The following FOXO3 variants were observed in gnomAD, a reference collection of about 807,000 sequenced individuals.
FOXO3 encodes the protein forkhead box O3.
In FOXO3, 4 loss-of-function variants were observed where a neutral mutation model predicts 41.9. The ratio of observed to expected loss-of-function variants is 0.10; its 90% CI spans 0.05 to 0.22. The LOEUF (loss-of-function observed/expected upper bound fraction) is 0.22, where lower values mean the gene tolerates loss of function less well. FOXO3 is among the 10% of genes least tolerant of loss of function. The pLI, the probability that FOXO3 is intolerant of heterozygous loss-of-function variation, is 1.00. For missense variants in FOXO3, 534 were observed against 906.8 expected (o/e 0.59, Z 5.28); for synonymous variants, 318 against 389.3 (o/e 0.82, Z 2.16).
intron 1 of FOXO3, among the ~76,000 whole-genome samples, chr6:108,581,646 A>G (rs771530839): frequency 1.3e-5 from 2 of 152,088 alleles, no homozygotes; most frequent in Non-Finnish European, 2.9e-5. Flanking sequence ...AAGCAAAGTT[A>G]TTTTGTGGTT....
Position 108,654,737 on chromosome 6 carries a change from CT to C in FOXO3, c.622-8703del, listed in dbSNP as rs61275551. ...AACAATGTTTACTTTAGAGCATCGT[CT>C]TTTTTTTTTTTTTTAAGTCCCTTAA... On this transcript the variant is annotated intron_variant, in intron 1 of 2. Coordinates refer to ENST00000406360, the MANE Select transcript of FOXO3 (RefSeq NM_001455.4). 8.4e-3 allele frequency among the ~76,000 whole-genome samples: 1,147 copies of C among 136,664 alleles called. 3 individuals are homozygous for C. The highest frequency in any genetic ancestry group is 0.027 in the South Asian group (111 of 4,182). The allele number at this position is 136,664 out of a possible 152,430, so 89.7% of individuals were successfully genotyped here.
intron 1 of FOXO3, among the ~76,000 whole-genome samples, chr6:108,622,911 G>T (rs978807724): frequency 6.7e-6 from 1 of 148,338 alleles, no homozygotes; most frequent in Non-Finnish European, 1.5e-5. Context: ...TTCTGGAATT[G>T]TGCATAAGAG....
intron 1 of FOXO3, among the ~76,000 whole-genome samples, chr6:108,601,586 G>A (rs1482755889): frequency 3.9e-5 from 6 of 152,214 alleles, no homozygotes; most frequent in Admixed American, 1.3e-4. Context: ...TTAGAGGGGT[G>A]AGCCACCGCA....
intron 1 of FOXO3, among the ~76,000 whole-genome samples, chr6:108,661,323 A>AATAT (rs747283238): frequency 7.9e-5 from 12 of 151,856 alleles, no homozygotes; most frequent in African/African-American, 2.4e-4. Context: ...AATTTAAACA[A>AATAT]ATATATATAT....
rs1248356946 is a variant in FOXO3 at position 108,631,642 on chromosome 6, C to G, written c.622-31813C>G. Among the ~76,000 whole-genome samples, 5 of 152,116 alleles carry G rather than the reference C, an allele frequency of 3.3e-5. No homozygotes were observed. The East Asian group carries it at 9.7e-4, about 29-fold the overall frequency. On this transcript the variant is annotated intron_variant, in intron 1 of 2. Coordinates refer to ENST00000406360, the MANE Select transcript of FOXO3 (RefSeq NM_001455.4). ...CTTTCCTCTCGTGAGGACTTTAAAG[C>G]AAATCCCAGGCTTCAGATATTTCAC...
At chr6:108,630,682 C>CT (rs1777945154) in intron 1 of FOXO3, among the ~76,000 whole-genome samples, 1 of 152,128 alleles carries the variant, frequency 6.6e-6, no homozygotes. Context: ...CCTCCTTTCT[C>CT]TAAGTTGTCT....
At position 108,664,338 on chromosome 6, in the gene FOXO3, C is replaced by T. The variant is rs765989225; in HGVS notation, c.1505C>T (p.Ala502Val). 1.9e-6 allele frequency: 3 copies of T among 1,600,122 alleles called. No homozygotes were observed. The highest frequency in any genetic ancestry group is 4.5e-5 in the East Asian group (2 of 44,724). Reference sequence around the variant, plus strand: ...TCTCAGGCCAGCACCGCTGTGTCTGCCCAGAATTCCCGCCGGAACGTGATG... The same window carrying T: ...TCTCAGGCCAGCACCGCTGTGTCTGTCCAGAATTCCCGCCGGAACGTGATG... The part of the protein sequence containing the change: ...LMSQASTAVS[A>V]QNSRRNVMLR... The change falls in exon 2 of 3, where the codon GCC (alanine) becomes GTC (valine). Residue 502 changes from alanine to valine, a missense_variant. Transcript: ENST00000406360.
intron 1 of FOXO3, among the ~76,000 whole-genome samples, chr6:108,594,266 C>T (rs191776235): frequency 3.1e-4 from 47 of 152,196 alleles, no homozygotes; most frequent in African/African-American, 9.9e-4. Flanking sequence ...AAGATGAAAA[C>T]GGGTTAATAA....
chr6:108,571,569 A>C (rs931694213), intron 1 of FOXO3, among the ~76,000 whole-genome samples: 1 of 152,224 alleles, frequency 6.6e-6, no homozygotes, highest in African/African-American at 2.4e-5. Context: ...AGAGACCCAA[A>C]TAAGGCCGTG....
intron 1 of FOXO3, among the ~76,000 whole-genome samples, chr6:108,565,824 C>T (rs1184084851): frequency 1.3e-5 from 2 of 152,172 alleles, no homozygotes; most frequent in Non-Finnish European, 2.9e-5. Context: ...TTTCAACACA[C>T]TGTATTAGGA....
chr6:108,628,867 G>C (rs911215629), intron 1 of FOXO3, among the ~76,000 whole-genome samples: 1 of 152,106 alleles, frequency 6.6e-6, no homozygotes, highest in Non-Finnish European at 1.5e-5. Context: ...TAAGTTCTTG[G>C]TGGTCTCCTG....
chr6:108,646,532 T>C (rs1399213364), intron 1 of FOXO3, among the ~76,000 whole-genome samples: 1 of 152,222 alleles, frequency 6.6e-6, no homozygotes, highest in East Asian at 1.9e-4. Flanking sequence ...TTGAATTGTG[T>C]TGTCTTTTTG....
intron 1 of FOXO3, among the ~76,000 whole-genome samples, chr6:108,617,229 T>C (rs1229629782): frequency 2.0e-5 from 3 of 152,230 alleles, no homozygotes; most frequent in Non-Finnish European, 2.9e-5. Context: ...TGCACTGTTA[T>C]AATAGCTAGT....
chr6:108,573,754 G>A (rs536398130), intron 1 of FOXO3, among the ~76,000 whole-genome samples: 21 of 152,022 alleles, frequency 1.4e-4, no homozygotes, highest in African/African-American at 4.6e-4. Context: ...GCTTGAACCC[G>A]GGAGGTGGAG....
chr6:108,667,055 TG>T (rs1211274383), intron 2 of FOXO3, among the ~76,000 whole-genome samples: 1 of 152,128 alleles, frequency 6.6e-6, no homozygotes, highest in African/African-American at 2.4e-5. Context: ...AGCTCACGGG[TG>T]GTTGCAGAAA....
chr6:108,587,803 A>G (rs1011511961), intron 1 of FOXO3, among the ~76,000 whole-genome samples: 1 of 152,232 alleles, frequency 6.6e-6, no homozygotes, highest in Non-Finnish European at 1.5e-5. Context: ...GGAACCTGGA[A>G]CTTTTCTTTT....
intron 1 of FOXO3, among the ~76,000 whole-genome samples, chr6:108,569,609 T>C (rs967901095): frequency 6.6e-6 from 1 of 152,200 alleles, no homozygotes; most frequent in Non-Finnish European, 1.5e-5. Context: ...AGAGGATGAC[T>C]TCTCTGCTGG....
intron 1 of FOXO3, among the ~76,000 whole-genome samples, chr6:108,618,844 A>G (rs1323104848): frequency 6.6e-6 from 1 of 152,020 alleles, no homozygotes; most frequent in Non-Finnish European, 1.5e-5. Context: ...TGCCCTTCCA[A>G]TTCTAGCCGT....
intron 1 of FOXO3, among the ~76,000 whole-genome samples, chr6:108,566,727 G>A (rs1261559556): frequency 6.6e-6 from 1 of 152,092 alleles, no homozygotes; most frequent in African/African-American, 2.4e-5. Context: ...GGACAGACTT[G>A]ACCCTATTCT....
Sources: gnomAD v4.1 joint callset for allele counts (sites outside exome capture counted in the v4.1 genomes callset) on GRCh38, gnomAD v4.1.1 for gene constraint, MANE v1.5 for transcripts, NCBI Gene and HGNC (gene_info 2026-07-23, HGNC 2026-07-21) for gene names.